MTSS1: variants seen among roughly 807,000 people sequenced by gnomAD.
The protein encoded by MTSS1 is protein MTSS 1.
In MTSS1, 18 loss-of-function variants were observed where a neutral mutation model predicts 79.0. The ratio of observed to expected loss-of-function variants is 0.23; its 90% CI spans 0.16 to 0.34. The LOEUF is 0.34. Ranked by LOEUF, MTSS1 falls within the 10% of genes least tolerant of loss-of-function variation. The probability of loss-of-function intolerance (pLI) is 1.00; values close to 1 mark genes in which losing one functional copy is unlikely to be tolerated. For synonymous variants in MTSS1, 341 were observed against 368.6 expected (o/e 0.93, Z 0.86); for missense variants, 815 against 986.2 (o/e 0.83, Z 2.33).
chr8:124,670,775 G>A lies in MTSS1; in HGVS notation c.208+28751C>T, dbSNP rs112307183. On this transcript the variant is annotated intron_variant, in intron 3 of 13. Transcript: ENST00000518547. ...AATTACTAAGAAACCAATTCATCCC[G>A]TCTCCAAAGTGGTTAAAGAGGAAAA... Among the ~76,000 whole-genome samples the A allele has an allele frequency of 1.4e-3, 210 of 152,232 alleles. 2 individuals carry two copies. The highest frequency in any genetic ancestry group is 6.2e-3 in the South Asian group (30 of 4,818).
At chr8:124,714,807 C>T (rs73345889) in intron 1 of MTSS1, among the ~76,000 whole-genome samples, 2,927 of 152,178 alleles carry the variant, frequency 0.019, 102 homozygotes, top group African/African-American at 0.068. Flanking sequence ...AATGGGTTCA[C>T]CTAAGACTGA....
intron 5 of MTSS1, among the ~76,000 whole-genome samples, chr8:124,586,009 G>A (rs1563801874): frequency 6.6e-6 from 1 of 151,978 alleles, no homozygotes; most frequent in African/African-American, 2.4e-5. Flanking sequence ...CACCTCAGAG[G>A]GGCAGTCCAA....
At position 124,678,933 on chromosome 8, in the gene MTSS1, C is replaced by A. The variant is rs200478271; in HGVS notation, c.208+20593G>T. ...CTCCTTCGACTATAAAACACCTATC[C>A]CTTCTTTACTTTCCCCACTACCAGT... On this transcript the variant is annotated intron_variant, in intron 3 of 13. Coordinates refer to ENST00000518547, the MANE Select transcript of MTSS1 (RefSeq NM_014751.6). Among the ~76,000 whole-genome samples the A allele has an allele frequency of 7.9e-5, 12 of 152,328 alleles. No homozygotes were observed. In the East Asian group the frequency reaches 2.3e-3, roughly 29 times the overall value.
intron 6 of MTSS1, among the ~76,000 whole-genome samples, chr8:124,574,934 G>C (rs1828687125): frequency 6.6e-6 from 1 of 151,576 alleles, no homozygotes; most frequent in Non-Finnish European, 1.5e-5. Context: ...ATCAGGGTGT[G>C]TCTTACAATC....
At chr8:124,715,801 C>G (rs1831855997) in intron 1 of MTSS1, among the ~76,000 whole-genome samples, 10 of 152,160 alleles carry the variant, frequency 6.6e-5, no homozygotes, top group Admixed American at 6.5e-4. Flanking sequence ...TGGTTAAGAG[C>G]ATGACTCTAG....
At chr8:124,621,012 C>T (rs1373436753) in intron 3 of MTSS1, among the ~76,000 whole-genome samples, 1 of 152,092 alleles carries the variant, frequency 6.6e-6, no homozygotes, top group Non-Finnish European at 1.5e-5. Flanking sequence ...CCAGGGAAGG[C>T]CAGAAAAGAA....
Position 124,552,417 on chromosome 8 carries a change from A to G in MTSS1, c.*575T>C, listed in dbSNP as rs1822665957. The G allele has an allele frequency of 6.5e-6, 1 of 154,378 alleles. No homozygotes were observed. Among genetic ancestry groups the G allele is most frequent in the Admixed American group, 6.4e-5 (1 of 15,628 alleles). 9.6% of individuals were successfully genotyped at this position (154,378 alleles called of 1,614,324 possible). A position where few individuals can be genotyped will look rare whatever the true frequency, so the allele number is the denominator to read the frequency against. On this transcript the variant is annotated 3_prime_UTR_variant, in exon 14 of 14. Transcript: ENST00000518547. ...CCTCCCCCCAATCCCAACACAGTCT[A>G]CCATTTCCAGATTTACTTCACTCTG... is the stretch of plus-strand genomic sequence containing the variant.
chr8:124,716,372 C>T (rs901671086), intron 1 of MTSS1, among the ~76,000 whole-genome samples: 3 of 152,216 alleles, frequency 2.0e-5, no homozygotes, highest in Non-Finnish European at 4.4e-5. Context: ...GAACTCATTT[C>T]GTCTGCCTGA....
At chr8:124,714,740 T>C (rs1164479568) in intron 1 of MTSS1, among the ~76,000 whole-genome samples, 1 of 152,160 alleles carries the variant, frequency 6.6e-6, no homozygotes, top group Non-Finnish European at 1.5e-5. Context: ...TGGGATTGAT[T>C]ACAGGCATGA....
chr8:124,584,110 C>T, intron 6 of MTSS1, among the ~76,000 whole-genome samples: 1 of 152,148 alleles, frequency 6.6e-6, no homozygotes, highest in Non-Finnish European at 1.5e-5. Flanking sequence ...AGGTTAAAAA[C>T]TGTGTCCTAT....
intron 13 of MTSS1, among the ~76,000 whole-genome samples, chr8:124,554,560 T>C (rs1276997762): frequency 6.6e-6 from 1 of 152,244 alleles, no homozygotes; most frequent in Non-Finnish European, 1.5e-5. Flanking sequence ...TTCTAGCTGT[T>C]AGATTTTCAT....
At chr8:124,682,730 C>T (rs1053865379) in intron 3 of MTSS1, among the ~76,000 whole-genome samples, 2 of 152,160 alleles carry the variant, frequency 1.3e-5, no homozygotes, top group African/African-American at 4.8e-5. Flanking sequence ...CCTACTTCAA[C>T]GAAGGGGAAC....
At chr8:124,684,850 A>C (rs951968165) in intron 3 of MTSS1, among the ~76,000 whole-genome samples, 1 of 152,246 alleles carries the variant, frequency 6.6e-6, no homozygotes, top group African/African-American at 2.4e-5. Context: ...TCACATAGCC[A>C]TTAGATAGAT....
At chr8:124,721,433 CAG>C (rs35782269) in intron 1 of MTSS1, among the ~76,000 whole-genome samples, 68,539 of 125,396 alleles carry the variant, frequency 0.55, 17,758 homozygotes, top group Middle Eastern at 0.61. Context: ...TTTTTTGAGA[CAG>C]AGTCTCATTC....
intron 3 of MTSS1, among the ~76,000 whole-genome samples, chr8:124,648,711 C>G (rs914008306): frequency 2.7e-5 from 4 of 149,076 alleles, no homozygotes; most frequent in Non-Finnish European, 6.0e-5. Context: ...AAATAGCAGC[C>G]CCCCCCCAGA....
At chr8:124,699,719 A>C in intron 2 of MTSS1, 120 bp from the exon 3 acceptor site, 1 of 871,308 alleles carries the variant, frequency 1.1e-6, no homozygotes, top group Non-Finnish European at 1.8e-6. Flanking sequence ...AAATAACTCA[A>C]CTGAGCATGG....
At position 124,688,635 on chromosome 8, in the gene MTSS1, G is replaced by C. The variant is rs112784036; in HGVS notation, c.208+10891C>G. On this transcript the variant is annotated intron_variant, in intron 3 of 13. Coordinates refer to ENST00000518547, the MANE Select transcript of MTSS1 (RefSeq NM_014751.6). ...CTGCTTTGGAAACCAGATGACCACG[G>C]GTTTCTTATTAACAAACAAGCAAAC... Among the ~76,000 whole-genome samples, 249 of 152,202 alleles carry C rather than the reference G, an allele frequency of 1.6e-3. 3 individuals carry two copies. The highest frequency in any genetic ancestry group is 5.7e-3 in the African/African-American group (237 of 41,520).
chr8:124,719,945 C>T (rs998507261), intron 1 of MTSS1, among the ~76,000 whole-genome samples: 1 of 152,168 alleles, frequency 6.6e-6, no homozygotes, highest in African/African-American at 2.4e-5. Context: ...ACTTAACTTG[C>T]TCAGAGCAAT....
At chr8:124,573,338 G>A (rs753869857) in intron 6 of MTSS1, among the ~76,000 whole-genome samples, 72 of 152,322 alleles carry the variant, frequency 4.7e-4, no homozygotes, top group Non-Finnish European at 8.5e-4. Flanking sequence ...GAATCCTGCT[G>A]TGAACTTTCT....
Sources: allele counts gnomAD v4.1 joint callset (sites outside exome capture counted in the v4.1 genomes callset), GRCh38; gene constraint gnomAD v4.1.1; transcripts MANE v1.5; gene names NCBI Gene and HGNC (gene_info 2026-07-23, HGNC 2026-07-21).